GRIA4: variants seen among roughly 807,000 people sequenced by gnomAD.
GRIA4 encodes glutamate receptor 4.
Under a neutral mutation model 104.0 loss-of-function variants are expected in GRIA4, and 34 were observed. The ratio of observed to expected loss-of-function variants is 0.33; its 90% CI spans 0.25 to 0.44. The LOEUF (loss-of-function observed/expected upper bound fraction) is 0.44. Among genes scored for constraint, GRIA4 ranks in the 20% least tolerant of loss-of-function variants. The pLI is 1.00. For missense variants in GRIA4, 750 were observed against 1,096.5 expected (o/e 0.68, Z 4.46); for synonymous variants, 386 against 381.9 (o/e 1.01, Z -0.13).
chr11:105,910,479 T>C lies in GRIA4; in HGVS notation c.1203T>C (p.Asp401=), dbSNP rs1947197570. Residue 401 remains aspartate, a synonymous_variant, in exon 10 of 17, where the codon GAT becomes GAC. Coordinates refer to ENST00000282499, the MANE Select transcript of GRIA4 (RefSeq NM_000829.4). The part of the protein sequence containing the change: ...NDMDKLVLIQ[D]VPTLGNDTAA... ...TGGATAAGTTAGTCTTGATTCAAGA[T>C]GTACCAACTCTTGGCAATGACACAG... 1.2e-6 allele frequency: 2 copies of C among 1,601,786 alleles called. No homozygotes were observed. The highest frequency in any genetic ancestry group is 1.3e-5 in the African/African-American group (1 of 74,670).
At chr11:105,966,677 T>G (rs1858384047) in intron 14 of GRIA4, among the ~76,000 whole-genome samples, 1 of 148,012 alleles carries the variant, frequency 6.8e-6, no homozygotes, top group Admixed American at 6.9e-5. Flanking sequence ...CTTCATATCT[T>G]AACTCCAGCT....
At chr11:105,664,661 T>C (rs1164402548) in intron 3 of GRIA4, among the ~76,000 whole-genome samples, 1 of 152,004 alleles carries the variant, frequency 6.6e-6, no homozygotes, top group Non-Finnish European at 1.5e-5. Flanking sequence ...CTTATTTTTT[T>C]AAACTAGTGT....
chr11:105,812,040 C>T (rs576130877), intron 4 of GRIA4, among the ~76,000 whole-genome samples: 7 of 152,326 alleles, frequency 4.6e-5, no homozygotes, highest in African/African-American at 1.4e-4. Context: ...AGGGCGGGTG[C>T]CTGGAAGGCT....
At chr11:105,708,533 T>C (rs139340996) in intron 3 of GRIA4, among the ~76,000 whole-genome samples, 2 of 152,110 alleles carry the variant, frequency 1.3e-5, no homozygotes, top group African/African-American at 2.4e-5. Flanking sequence ...TAGGTTCATA[T>C]GTTATTAGAG....
At chr11:105,894,228 A>AT (rs1373559161) in intron 6 of GRIA4, among the ~76,000 whole-genome samples, 1 of 152,178 alleles carries the variant, frequency 6.6e-6, no homozygotes. Context: ...AATTAATAAA[A>AT]TTTAAAATAC....
At chr11:105,855,193 T>C (rs567383364) in intron 4 of GRIA4, among the ~76,000 whole-genome samples, 1 of 152,254 alleles carries the variant, frequency 6.6e-6, no homozygotes, top group Non-Finnish European at 1.5e-5. Context: ...ACAGTCCAAG[T>C]CATTCTCTCC....
At chr11:105,916,294 A>G (rs1947401233) in intron 10 of GRIA4, among the ~76,000 whole-genome samples, 1 of 152,184 alleles carries the variant, frequency 6.6e-6, no homozygotes, top group Admixed American at 6.6e-5. Flanking sequence ...CTGAGTCTTC[A>G]CTGTCCCATC....
At chr11:105,837,033 C>T (rs1026981226) in intron 4 of GRIA4, among the ~76,000 whole-genome samples, 2 of 151,962 alleles carry the variant, frequency 1.3e-5, no homozygotes, top group African/African-American at 4.8e-5. Flanking sequence ...AGGAAACTTA[C>T]AATCATGGCA....
intron 16 of GRIA4, among the ~76,000 whole-genome samples, chr11:105,978,300 T>C (rs1859095152): frequency 6.6e-6 from 1 of 152,018 alleles, no homozygotes; most frequent in African/African-American, 2.4e-5. Context: ...TCTAAAATCC[T>C]TGTTATATTT....
chr11:105,879,706 A>G (rs750760770), intron 5 of GRIA4, among the ~76,000 whole-genome samples: 32 of 152,156 alleles, frequency 2.1e-4, no homozygotes, highest in Non-Finnish European at 3.4e-4. Context: ...CAGACAAGAG[A>G]TTATTTGTAA....
chr11:105,937,587 C>T (rs1948078520), intron 14 of GRIA4, among the ~76,000 whole-genome samples: 1 of 152,064 alleles, frequency 6.6e-6, no homozygotes, highest in African/African-American at 2.4e-5. Context: ...CATATCTGAA[C>T]ACTTCCTCTG....
At chr11:105,873,859 T>C (rs552349182) in intron 5 of GRIA4, among the ~76,000 whole-genome samples, 6 of 152,322 alleles carry the variant, frequency 3.9e-5, no homozygotes, top group Admixed American at 2.6e-4. Flanking sequence ...TCTCCCATTC[T>C]GTAGGTTGCC....
At chr11:105,652,828 TTTC>T (rs1951720920) in intron 3 of GRIA4, among the ~76,000 whole-genome samples, 4 of 152,324 alleles carry the variant, frequency 2.6e-5, no homozygotes, top group African/African-American at 9.6e-5. Flanking sequence ...TGGATTTATT[TTTC>T]TTCTTTACAG....
At chr11:105,968,014 C>A (rs1177049582) in intron 14 of GRIA4, among the ~76,000 whole-genome samples, 1 of 152,194 alleles carries the variant, frequency 6.6e-6, no homozygotes, top group Non-Finnish European at 1.5e-5. Context: ...ATGCAACTGA[C>A]TCTAAAGCCT....
intron 3 of GRIA4, among the ~76,000 whole-genome samples, chr11:105,675,044 T>A (rs1354254645): frequency 6.6e-6 from 1 of 151,822 alleles, no homozygotes; most frequent in Non-Finnish European, 1.5e-5. Flanking sequence ...GGGGAAAAAG[T>A]TCTTATAGTA....
chr11:105,792,311 T>C (rs7930116), intron 4 of GRIA4, among the ~76,000 whole-genome samples: 105,565 of 152,010 alleles, frequency 0.69, 36,949 homozygotes, highest in African/African-American at 0.79. Context: ...TAAAAAGTCA[T>C]TTGCAAAAGG....
At chr11:105,720,234 A>G (rs946643674) in intron 3 of GRIA4, among the ~76,000 whole-genome samples, 2 of 151,850 alleles carry the variant, frequency 1.3e-5, no homozygotes, top group African/African-American at 4.8e-5. Context: ...AACATGTAAG[A>G]TGCAACTTTG....
chr11:105,887,406 A>G (rs1012818489), intron 5 of GRIA4, 113 bp from the exon 6 acceptor site: 2 of 526,478 alleles, frequency 3.8e-6, no homozygotes, highest in Non-Finnish European at 6.7e-6. Context: ...TTAAAAAACT[A>G]TCATTTTCCC....
chr11:105,675,430 T>C (rs1163917042), intron 3 of GRIA4, among the ~76,000 whole-genome samples: 2 of 151,864 alleles, frequency 1.3e-5, no homozygotes, highest in Non-Finnish European at 2.9e-5. Context: ...GCATAGTTTC[T>C]TTGCCAGTAA....
Sources: allele counts gnomAD v4.1 joint callset (sites outside exome capture counted in the v4.1 genomes callset), GRCh38; gene constraint gnomAD v4.1.1; transcripts MANE v1.5; gene names NCBI Gene and HGNC (gene_info 2026-07-23, HGNC 2026-07-21).